Variants in BCLAF3 observed in about 807,000 individuals in gnomAD.
BCLAF3 encodes the protein BCLAF1 and THRAP3 family member 3.
BCLAF3 carries 24 observed loss-of-function variants against 51.2 expected under a neutral mutation model. That is an observed-to-expected ratio of 0.47 (90% CI 0.34 to 0.66). The LOEUF is 0.66. BCLAF3 is among the 30% of genes least tolerant of loss of function. The pLI is 0.01. For synonymous variants in BCLAF3, 152 were observed against 176.6 expected (o/e 0.86, Z 1.10); for missense variants, 465 against 525.1 (o/e 0.89, Z 1.12).
At chrX:19,945,277 CAA>C (rs930493518) in intron 8 of BCLAF3, among the ~76,000 whole-genome samples, 1 of 108,507 alleles carries the variant, frequency 9.2e-6, no homozygotes, top group Non-Finnish European at 1.9e-5. Flanking sequence ...CTCAGCTCGT[CAA>C]AGTCATTCTC....
intron 2 of BCLAF3, 129 bp from the exon 3 acceptor site, chrX:19,966,778 T>A (rs2072074658): frequency 1.9e-6 from 1 of 514,332 alleles, no homozygotes; most frequent in African/African-American, 2.4e-5. Context: ...TTCATCAATT[T>A]GCTACATCTG....
intron 8 of BCLAF3, among the ~76,000 whole-genome samples, chrX:19,945,888 C>T (rs1200425306): frequency 9.3e-6 from 1 of 107,155 alleles, no homozygotes; most frequent in African/African-American, 3.5e-5. Context: ...TGCCGCCTTG[C>T]AGTTTGATCT....
intron 1 of BCLAF3, among the ~76,000 whole-genome samples, chrX:19,986,471 A>T (rs1046791620): frequency 4.5e-5 from 5 of 112,157 alleles, no homozygotes; most frequent in African/African-American, 1.6e-4. Context: ...CGGAAAATCA[A>T]CCTTTGGAGG....
intron 7 of BCLAF3, among the ~76,000 whole-genome samples, chrX:19,951,577 C>A: frequency 1.2e-5 from 1 of 83,654 alleles, no homozygotes; most frequent in Non-Finnish European, 2.2e-5. Context: ...GCCAGGGTGA[C>A]AGAGTGAGAC....
At position 19,990,962 on chromosome X, in the gene BCLAF3, CCGCCGCCGCCGG is replaced by C. The variant is rs1482170790; in HGVS notation, c.-101_-90del. Among the ~76,000 whole-genome samples, 3 of 101,884 alleles carry C rather than the reference CCGCCGCCGCCGG, an allele frequency of 2.9e-5. No individual in the cohort carries two copies. The highest frequency in any genetic ancestry group is 1.1e-4 in the African/African-American group (3 of 26,755). The allele number at this position is 101,884 out of a possible 115,157, so 88.5% of individuals were successfully genotyped here. ...GCCGCCGCCGCCGCCGCCGCCGCCG[CCGCCGCCGCCGG>C]CCCCTCGGGCCTCGCCCCTCACTCT... On this transcript the variant is annotated 5_prime_UTR_variant, in exon 1 of 12. Coordinates refer to ENST00000379682, the MANE Select transcript of BCLAF3 (RefSeq NM_001367774.2).
At chrX:19,988,067 T>C (rs2072860816) in intron 1 of BCLAF3, among the ~76,000 whole-genome samples, 1 of 112,161 alleles carries the variant, frequency 8.9e-6, no homozygotes, top group Admixed American at 9.5e-5. Context: ...TTGAGAATAG[T>C]TGACATCAGG....
chrX:19,988,859 G>A (rs986630629), intron 1 of BCLAF3, among the ~76,000 whole-genome samples: 3 of 111,448 alleles, frequency 2.7e-5, no homozygotes, highest in Admixed American at 9.6e-5. Flanking sequence ...GTTCTATTAC[G>A]CCTTTGCCTC....
intron 8 of BCLAF3, among the ~76,000 whole-genome samples, chrX:19,949,266 T>C (rs1471658040): frequency 9.0e-6 from 1 of 111,593 alleles, no homozygotes; most frequent in Non-Finnish European, 1.9e-5. Context: ...ACAACTCTTA[T>C]CCCTATTTTA....
chrX:19,957,812 C>T (rs1234848032), intron 4 of BCLAF3, among the ~76,000 whole-genome samples: 1 of 111,234 alleles, frequency 9.0e-6, no homozygotes, highest in East Asian at 2.8e-4. Context: ...ATAGTATAAC[C>T]TCCAAATTTT....
rs771128917 is a variant in BCLAF3 at position 19,937,492 on chromosome X, G to A, written c.1786C>T (p.His596Tyr). The change falls in exon 9 of 12, where the codon CAT becomes TAT. Residue 596 changes from histidine to tyrosine, a missense_variant. His to Tyr is a moderately conservative substitution (Grantham distance 83). Transcript: ENST00000379682. ...NSSFSKVKNV[H>Y]TDGFQKPTHF... ...GTGGGTTTTTGGAATCCATCAGTAT[G>A]AACATTCTTTACCTTTGAAAAACTG... 4.3e-6 allele frequency: 5 copies of A among 1,168,396 alleles called. No individual in the cohort carries two copies. In the East Asian group the frequency reaches 9.0e-5, roughly 21 times the overall value.
intron 10 of BCLAF3, among the ~76,000 whole-genome samples, chrX:19,931,280 C>A (rs2070542117): frequency 9.0e-6 from 1 of 111,471 alleles, no homozygotes; most frequent in African/African-American, 3.3e-5. Flanking sequence ...TCTTCCCAAA[C>A]AATTCTCCAA....
chrX:19,965,612 G>T lies in BCLAF3; in HGVS notation c.706C>A (p.Pro236Thr), dbSNP rs755346547. 3 of 1,172,009 alleles carry T rather than the reference G, an allele frequency of 2.6e-6. No individual in the cohort carries two copies. In the African/African-American group the frequency reaches 5.4e-5, roughly 21 times the overall value. The change falls in exon 4 of 12, where the codon CCA (proline) becomes ACA (threonine). Residue 236 changes from proline to threonine, a missense_variant. Coordinates refer to ENST00000379682, the MANE Select transcript of BCLAF3 (RefSeq NM_001367774.2). ...AGGGAATGCTCAGGCTTCCACTTTG[G>T]GTTCCTGGCAGGCTCTCTGCTTTCA... is the stretch of plus-strand genomic sequence containing the variant. ...RYESREPARN[P>T]KWKPEHSLPP... is the part of the protein sequence containing the mutation.
intron 4 of BCLAF3, among the ~76,000 whole-genome samples, chrX:19,959,647 G>C (rs778900226): frequency 9.2e-6 from 1 of 108,529 alleles, no homozygotes; most frequent in Admixed American, 9.7e-5. Context: ...GCATGGTGGC[G>C]TGTGCCTATA....
Position 19,965,419 on chromosome X carries a change from G to C in BCLAF3, c.899C>G (p.Thr300Ser). ...ATCTTCTTCCTTACAGTACTTCTGA[G>C]TTCTCCCATCAGAAAAGTCCTGGTC... ...DGDQDFSDGRTQKYCKEEDRK... is the reference protein window; with the variant it reads ...DGDQDFSDGRSQKYCKEEDRK... Residue 300 changes from threonine to serine, a missense_variant, in exon 4 of 12, where the codon ACT becomes AGT. Thr to Ser is a moderately conservative substitution (Grantham distance 58). Coordinates refer to ENST00000379682, the MANE Select transcript of BCLAF3 (RefSeq NM_001367774.2). 8.3e-7 allele frequency: 1 copy of C among 1,211,417 alleles called. No individual in the cohort carries two copies. The highest frequency in any genetic ancestry group is 3.0e-5 in the East Asian group (1 of 33,866).
intron 8 of BCLAF3, among the ~76,000 whole-genome samples, chrX:19,944,198 A>C (rs1346992036): frequency 1.4e-5 from 1 of 72,342 alleles, no homozygotes; most frequent in Admixed American, 1.6e-4. Context: ...TCCTGAATAC[A>C]GCACACTGAT....
intron 10 of BCLAF3, among the ~76,000 whole-genome samples, chrX:19,934,825 T>C (rs778818011): frequency 2.7e-5 from 3 of 112,210 alleles, no homozygotes; most frequent in Non-Finnish European, 3.8e-5. Flanking sequence ...AAGTATCTAT[T>C]ACAGGCAAGA....
intron 11 of BCLAF3, among the ~76,000 whole-genome samples, chrX:19,920,293 T>C (rs1212122047): frequency 8.9e-6 from 1 of 111,927 alleles, no homozygotes; most frequent in Non-Finnish European, 1.9e-5. Context: ...ATATGCCTTT[T>C]CCTTTTGCTG....
intron 1 of BCLAF3, 64 bp from the exon 2 acceptor site, chrX:19,970,362 C>T (rs2072218209): frequency 5.0e-6 from 5 of 1,000,698 alleles, no homozygotes; most frequent in South Asian, 2.0e-5. Flanking sequence ...TAAAACATAG[C>T]GAATGCTGCC....
At chrX:19,931,801 C>T (rs901080058) in intron 10 of BCLAF3, among the ~76,000 whole-genome samples, 1 of 112,223 alleles carries the variant, frequency 8.9e-6, no homozygotes, top group Non-Finnish European at 1.9e-5. Context: ...CCTTTAGGGG[C>T]TGACAATTAG....
Sources: gnomAD v4.1 joint callset for allele counts (sites outside exome capture counted in the v4.1 genomes callset) on GRCh38, gnomAD v4.1.1 for gene constraint, MANE v1.5 for transcripts, NCBI Gene and HGNC (gene_info 2026-07-23, HGNC 2026-07-21) for gene names.